Variants in POLN observed in about 807,000 individuals in gnomAD.
POLN encodes the protein DNA polymerase nu, also known as DNA polymerase N.
POLN carries 108 observed loss-of-function variants against 113.5 expected under a neutral mutation model. That is an observed-to-expected ratio of 0.95 (90% CI 0.81 to 1.12). POLN has a LOEUF of 1.12. Among genes scored for constraint, POLN ranks in the 50% most tolerant of loss-of-function variants. POLN has a pLI of 0.00. For missense variants in POLN, 1,097 were observed against 1,077.1 expected, an observed-to-expected ratio of 1.02 and a Z score of -0.26; for synonymous variants, 386 against 391.5, an observed-to-expected ratio of 0.99 and a Z score of 0.17.
Position 2,222,891 on chromosome 4 carries a change from C to T in POLN, c.133+6208G>A, listed in dbSNP as rs146898060. On this transcript the variant is annotated intron_variant, in intron 3 of 25. Coordinates refer to ENST00000511885, the MANE Select transcript of POLN (RefSeq NM_181808.4). ...TCCACTGCTACCATCTGTATTGCAC[C>T]CACAACTTGTGATGAGGTCATCAGT... 7.4e-3 allele frequency among the ~76,000 whole-genome samples: 1,121 copies of T among 152,160 alleles called. 7 individuals are homozygous for T. Among genetic ancestry groups the T allele is most frequent in the Middle Eastern group, 0.051 (15 of 294 alleles).
chr4:2,208,652 A>C (rs1733917877), intron 4 of POLN, among the ~76,000 whole-genome samples, 165 bp from the exon 5 acceptor site: 1 of 152,214 alleles, frequency 6.6e-6, no homozygotes, highest in Non-Finnish European at 1.5e-5. Context: ...CTTCTAGAGC[A>C]GTGATTTTTC....
At chr4:2,226,829 G>C (rs1411829612) in intron 3 of POLN, among the ~76,000 whole-genome samples, 1 of 152,174 alleles carries the variant, frequency 6.6e-6, no homozygotes, top group Non-Finnish European at 1.5e-5. Context: ...GGAAATAAAA[G>C]GCTAATTTAC....
chr4:2,185,954 A>C (rs1356759388), intron 7 of POLN, among the ~76,000 whole-genome samples: 2 of 152,174 alleles, frequency 1.3e-5, no homozygotes, highest in Non-Finnish European at 2.9e-5. Flanking sequence ...AGCCGGCTTC[A>C]CTCTCCTTCA....
At chr4:2,207,926 A>T in intron 5 of POLN, 61 bp downstream of exon 5, 1 of 1,505,064 alleles carries the variant, frequency 6.6e-7, no homozygotes, top group Non-Finnish European at 8.8e-7. Context: ...ATCTGACACT[A>T]AGAAAATGGG....
chr4:2,131,198 CAG>C (rs1731719784), intron 17 of POLN, 33 bp downstream of exon 17: 4 of 1,456,368 alleles, frequency 2.7e-6, no homozygotes, highest in Non-Finnish European at 3.8e-6. Context: ...AGAGAGTTAC[CAG>C]AGACTTTAGC....
At chr4:2,231,776 T>A (rs889122360) in intron 2 of POLN, 17 of 540,384 alleles carry the variant, frequency 3.1e-5, no homozygotes, top group Non-Finnish European at 5.6e-5. Context: ...ATGTACTACA[T>A]GAGAAAAAAG....
At chr4:2,225,830 G>A (rs767803483) in intron 3 of POLN, among the ~76,000 whole-genome samples, 10 of 151,716 alleles carry the variant, frequency 6.6e-5, no homozygotes, top group Non-Finnish European at 1.5e-4. Flanking sequence ...GCAAGACCTC[G>A]TCTCCACACA....
rs1732477469 is a variant in POLN at position 2,157,924 on chromosome 4, G to A, written c.1612-13C>T. 1 of 1,592,338 alleles carries A rather than the reference G, an allele frequency of 6.3e-7. No individual in the cohort carries two copies. On this transcript the variant is annotated splice_polypyrimidine_tract_variant and intron_variant, in intron 14 of 25. Transcript: ENST00000511885. Reference sequence around the variant, plus strand: ...TGATCTTGTGAACCTAAGGTGGAAAGACAAGAATAATCATTTTCTTTAAGT... The same window carrying A: ...TGATCTTGTGAACCTAAGGTGGAAAAACAAGAATAATCATTTTCTTTAAGT...
chr4:2,098,397 C>T (rs563388540), intron 19 of POLN, among the ~76,000 whole-genome samples: 54 of 152,152 alleles, frequency 3.5e-4, no homozygotes, highest in African/African-American at 4.1e-4. Flanking sequence ...CCAGCCTGGG[C>T]GACAGAGTAA....
intron 5 of POLN, among the ~76,000 whole-genome samples, chr4:2,205,874 C>CAAA (rs59182481): frequency 1.2e-5 from 1 of 82,050 alleles, no homozygotes; most frequent in Non-Finnish European, 2.9e-5. Flanking sequence ...GACTCTGTCT[C>CAAA]AAAAAAAAAA....
chr4:2,077,958 C>G (rs1369361399), intron 23 of POLN, among the ~76,000 whole-genome samples: 4 of 152,164 alleles, frequency 2.6e-5, no homozygotes, highest in Admixed American at 6.5e-5. Context: ...TGAGAGGGGT[C>G]GGCCACAGAG....
intron 7 of POLN, 98 bp downstream of exon 7, chr4:2,193,106 G>C (rs1733490799): frequency 2.2e-6 from 2 of 890,230 alleles, no homozygotes; most frequent in Non-Finnish European, 3.5e-6. Context: ...AGGTCCTCCA[G>C]GAGTTGTGTG....
intron 19 of POLN, among the ~76,000 whole-genome samples, chr4:2,097,146 G>T (rs1358647499): frequency 6.6e-6 from 1 of 152,190 alleles, no homozygotes; most frequent in African/African-American, 2.4e-5. Flanking sequence ...CAGCAAGTGG[G>T]TTCTGAGTTA....
intron 3 of POLN, among the ~76,000 whole-genome samples, chr4:2,222,837 A>G (rs1381608255): frequency 6.6e-6 from 1 of 152,134 alleles, no homozygotes; most frequent in Non-Finnish European, 1.5e-5. Flanking sequence ...AGTAAGCCAG[A>G]CAAACCCACC....
rs144641805 is a variant in POLN at position 2,213,260 on chromosome 4, TAA to T, written c.134-136_134-135del. 388 of 501,442 alleles carry T rather than the reference TAA, an allele frequency of 7.7e-4. 1 individual carries two copies. The highest frequency in any genetic ancestry group is 7.1e-3 in the African/African-American group (359 of 50,802). The allele number at this position is 501,442 out of a possible 1,614,324, so 31.1% of individuals were successfully genotyped here. ...CATTATTAACTTACTTAAAACAATG[TAA>T]TAAAATTCACAAGTAAAATGCTTAG... On this transcript the variant is annotated intron_variant, in intron 3 of 25. Coordinates refer to ENST00000511885, the MANE Select transcript of POLN (RefSeq NM_181808.4).
chr4:2,100,076 G>A lies in POLN; in HGVS notation c.1983-4143C>T, dbSNP rs4974653. 9.1e-3 allele frequency among the ~76,000 whole-genome samples: 1,250 copies of A among 137,444 alleles called. 1 individual carries two copies. The highest frequency in any genetic ancestry group is 0.012 in the Non-Finnish European group (753 of 64,614). 90.2% of individuals were successfully genotyped at this position (137,444 alleles called of 152,430 possible). A position where few individuals can be genotyped will look rare whatever the true frequency, so the allele number is the denominator to read the frequency against. On this transcript the variant is annotated intron_variant, in intron 19 of 25. Coordinates refer to ENST00000511885, the MANE Select transcript of POLN (RefSeq NM_181808.4). ...CAGAGTGAGACCCTGTCTCAAAAAA[G>A]AAAAAAAAAGAAAAAGAAAAAAGAG...
chr4:2,121,098 G>A (rs975434993), intron 19 of POLN, among the ~76,000 whole-genome samples: 1 of 151,978 alleles, frequency 6.6e-6, no homozygotes, highest in African/African-American at 2.4e-5. Context: ...ATATTAATAA[G>A]TTGTTCCTGA....
At position 2,151,665 on chromosome 4, in the gene POLN, G is replaced by A. The variant is rs548240971; in HGVS notation, c.1731+5123C>T. Among the ~76,000 whole-genome samples the A allele has an allele frequency of 2.6e-5, 4 of 152,316 alleles. No homozygotes were observed. The South Asian group carries it at 6.2e-4, about 24-fold the overall frequency. On this transcript the variant is annotated intron_variant, in intron 16 of 25. Transcript: ENST00000511885. ...AAGAAATGAGCTACTGAAACACAGA[G>A]CAACGTAGCTGAAGCTCATAGTAAC...
intron 16 of POLN, among the ~76,000 whole-genome samples, chr4:2,149,258 C>T (rs1340065168): frequency 6.6e-6 from 1 of 152,078 alleles, no homozygotes; most frequent in Non-Finnish European, 1.5e-5. Flanking sequence ...CGCACCATTG[C>T]ACTCCAGCCT....
Sources: gnomAD v4.1 joint callset for allele counts (sites outside exome capture counted in the v4.1 genomes callset) on GRCh38, gnomAD v4.1.1 for gene constraint, MANE v1.5 for transcripts, NCBI Gene and HGNC (gene_info 2026-07-23, HGNC 2026-07-21) for gene names.